The following SPMIP7 variants were observed in gnomAD, a reference collection of about 807,000 sequenced individuals.
SPMIP7 encodes the protein protein SPMIP7.
the SPMIP7 span, among the ~76,000 whole-genome samples, chr7:50,154,313 C>T: frequency 3.2e-4 from 49 of 152,186 alleles, no homozygotes; most frequent in African/African-American, 1.1e-3. Flanking sequence ...CCCTGTAGTC[C>T]TCATGATGGA....
chr7:50,149,461 A>C, the SPMIP7 span, among the ~76,000 whole-genome samples: 2 of 152,272 alleles, frequency 1.3e-5, no homozygotes, highest in East Asian at 1.9e-4. Context: ...TTCATGCTGC[A>C]GTTGACCGAG....
At chr7:50,159,139 C>G in the SPMIP7 span, 1 of 1,551,800 alleles carries the variant, frequency 6.4e-7, no homozygotes, top group Non-Finnish European at 8.7e-7. Context: ...ACCCTTTCAA[C>G]AAGAAGGACA....
chr7:50,110,804 CAT>C, the SPMIP7 span, among the ~76,000 whole-genome samples: 4 of 108,952 alleles, frequency 3.7e-5, no homozygotes, highest in East Asian at 7.1e-4. Flanking sequence ...TGATATCTAA[CAT>C]ATATAATATA....
At chr7:50,156,224 C>T in the SPMIP7 span, among the ~76,000 whole-genome samples, 1 of 152,216 alleles carries the variant, frequency 6.6e-6, no homozygotes, top group South Asian at 2.1e-4. Context: ...AAAAGTATCA[C>T]TCTGATTGTA....
the SPMIP7 span, among the ~76,000 whole-genome samples, chr7:50,100,307 G>C: frequency 6.6e-6 from 1 of 152,238 alleles, no homozygotes; most frequent in Non-Finnish European, 1.5e-5. Context: ...CTGCAAGAGG[G>C]TGACTAACTC....
At chr7:50,148,143 G>A in the SPMIP7 span, among the ~76,000 whole-genome samples, 1 of 152,180 alleles carries the variant, frequency 6.6e-6, no homozygotes, top group African/African-American at 2.4e-5. Flanking sequence ...CCTTGTTATG[G>A]CCATATGTGC....
the SPMIP7 span, among the ~76,000 whole-genome samples, chr7:50,098,838 T>TGG: frequency 0.83 from 125,586 of 151,756 alleles, 51,999 homozygotes; most frequent in East Asian, 0.88. Flanking sequence ...CACACGAATC[T>TGG]GGGGGGATAC....
chr7:50,131,606 A>G, the SPMIP7 span, among the ~76,000 whole-genome samples: 1 of 152,180 alleles, frequency 6.6e-6, no homozygotes, highest in Admixed American at 6.6e-5. Context: ...AAGAGAAAAA[A>G]AGAGGAGAAG....
the SPMIP7 span, among the ~76,000 whole-genome samples, chr7:50,102,021 A>G: frequency 6.6e-6 from 1 of 152,148 alleles, no homozygotes; most frequent in Non-Finnish European, 1.5e-5. Flanking sequence ...AATCTATGAT[A>G]ATAATAATGC....
At chr7:50,136,022 C>T in the SPMIP7 span, 1 of 1,097,350 alleles carries the variant, frequency 9.1e-7, no homozygotes, top group Non-Finnish European at 1.4e-6. Context: ...AAAGGACTGT[C>T]AAGGGGACAG....
the SPMIP7 span, among the ~76,000 whole-genome samples, chr7:50,106,753 A>G: frequency 6.6e-6 from 1 of 152,206 alleles, no homozygotes; most frequent in Admixed American, 6.5e-5. Flanking sequence ...TGAAGGAGAA[A>G]AAAATGAGCT....
At chr7:50,141,511 T>A in the SPMIP7 span, 1 of 645,978 alleles carries the variant, frequency 1.5e-6, no homozygotes, top group East Asian at 2.8e-5. Context: ...AGAAGAAAGA[T>A]ACCTGCTTCC....
chr7:50,156,529 G>A, the SPMIP7 span, among the ~76,000 whole-genome samples: 9 of 151,444 alleles, frequency 5.9e-5, no homozygotes, highest in Non-Finnish European at 8.8e-5. Context: ...TGTGCCACAC[G>A]AGCTTCCAGT....
the SPMIP7 span, among the ~76,000 whole-genome samples, chr7:50,115,633 G>A: frequency 2.0e-5 from 3 of 152,008 alleles, no homozygotes; most frequent in African/African-American, 7.2e-5. Context: ...AAAAACATAT[G>A]TGCACATTTA....
At chr7:50,156,430 G>A in the SPMIP7 span, among the ~76,000 whole-genome samples, 12 of 151,982 alleles carry the variant, frequency 7.9e-5, no homozygotes, top group East Asian at 9.8e-4. Context: ...AATATTAGCC[G>A]CTACTGTACT....
At chr7:50,104,363 A>G in the SPMIP7 span, 74 of 1,542,278 alleles carry the variant, frequency 4.8e-5, no homozygotes, top group Non-Finnish European at 6.3e-5. Context: ...ATCATGAAGG[A>G]CGCTCATTAA....
chr7:50,149,981 G>A, the SPMIP7 span, among the ~76,000 whole-genome samples: 4 of 152,248 alleles, frequency 2.6e-5, no homozygotes, highest in East Asian at 3.9e-4. Flanking sequence ...AGATCCCAGA[G>A]ATGACATGGG....
At chr7:50,144,999 C>G in the SPMIP7 span, among the ~76,000 whole-genome samples, 32 of 151,874 alleles carry the variant, frequency 2.1e-4, no homozygotes, top group African/African-American at 7.7e-4. Context: ...CGGTGGCTCA[C>G]ACCTGTAGTC....
At chr7:50,098,705 C>T in the SPMIP7 span, among the ~76,000 whole-genome samples, 5 of 152,038 alleles carry the variant, frequency 3.3e-5, no homozygotes, top group African/African-American at 1.2e-4. Context: ...GAGCTCTAGT[C>T]TCCCTTCCTC....
Sources: gnomAD v4.1 joint callset for allele counts (sites outside exome capture counted in the v4.1 genomes callset) on GRCh38, gnomAD v4.1.1 for gene constraint, MANE v1.5 for transcripts, NCBI Gene and HGNC (gene_info 2026-07-23, HGNC 2026-07-21) for gene names.